The following TRIM9 variants were observed in gnomAD, a reference collection of about 807,000 sequenced individuals.
TRIM9 encodes the protein tripartite motif containing 9, also known as E3 ubiquitin-protein ligase TRIM9.
A neutral mutation model predicts 78.3 loss-of-function variants in TRIM9; 26 were observed. That is an observed-to-expected ratio of 0.33 (90% CI 0.24 to 0.46). TRIM9 has a LOEUF of 0.46. TRIM9 is among the 20% of genes least tolerant of loss of function. The pLI, the probability that TRIM9 is intolerant of heterozygous loss-of-function variation, is 1.00. For missense variants in TRIM9, 787 were observed against 1,036.4 expected (o/e 0.76, Z 3.30); for synonymous variants, 398 against 416.5 (o/e 0.96, Z 0.54).
Position 51,094,579 on chromosome 14 carries a change from G to A in TRIM9, c.361C>T (p.Pro121Ser). 3.1e-6 allele frequency: 5 copies of A among 1,612,138 alleles called. No homozygotes were observed. Among genetic ancestry groups the A allele is most frequent in the Non-Finnish European group, 4.2e-6 (5 of 1,179,466 alleles). ...GGGCAGGTGATACAGGAGTTGCGGG[G>A]CACCGGGGCCAGGGCCGGTGACAAG... is the stretch of plus-strand genomic sequence containing the variant. ...THLSPALAPV[P>S]RNSCITCPQC... The change falls in exon 1 of 13, where the codon CCC becomes TCC. Residue 121 changes from proline (P) to serine (S), a missense_variant. Pro to Ser is a moderately conservative substitution (Grantham distance 74). Around this residue, in one of 3 missense-constraint regions of TRIM9, gnomAD observed 352 missense variants for 472.3 expected, o/e 0.75. Coordinates refer to ENST00000684578, the MANE Select transcript of TRIM9 (RefSeq NM_001387360.1).
chr14:51,090,030 G>A (rs2064158162), intron 1 of TRIM9: 1 of 152,214 alleles, frequency 6.6e-6, no homozygotes, highest in African/African-American at 2.4e-5. Context: ...AAAGTTTCCT[G>A]CAAGTAAGTG....
intron 6 of TRIM9, among the ~76,000 whole-genome samples, chr14:50,999,795 C>CTAGGGTGGAGAGGATGGAAAG (rs1249544010): frequency 2.0e-5 from 3 of 152,092 alleles, no homozygotes; most frequent in Non-Finnish European, 4.4e-5. Flanking sequence ...CCAGGCAAGA[C>CTAGGGTGGAGAGGATGGAAAG]TAGGGTGGAG....
intron 5 of TRIM9, among the ~76,000 whole-genome samples, chr14:51,008,022 A>G (rs550042277): frequency 1.9e-3 from 294 of 152,340 alleles, no homozygotes; most frequent in Admixed American, 3.5e-3. Context: ...GCTAAGAGTC[A>G]TTTACTATAT....
At chr14:51,046,530 C>T (rs1247991866) in intron 1 of TRIM9, among the ~76,000 whole-genome samples, 4 of 152,016 alleles carry the variant, frequency 2.6e-5, no homozygotes, top group South Asian at 2.1e-4. Flanking sequence ...CATCTGAATT[C>T]GAAAAGAAAG....
chr14:51,068,549 A>T (rs72687160), intron 1 of TRIM9, among the ~76,000 whole-genome samples: 30,883 of 152,180 alleles, frequency 0.2, 3,285 homozygotes, highest in Non-Finnish European at 0.24. Context: ...ACCTTGTAGA[A>T]GTTATTTTTA....
chr14:51,000,473 C>T (rs943015429), intron 6 of TRIM9, among the ~76,000 whole-genome samples: 3 of 152,188 alleles, frequency 2.0e-5, no homozygotes, highest in African/African-American at 7.2e-5. Context: ...CATGTCCTGT[C>T]TCATAAGAAG....
At chr14:51,079,040 T>G (rs2063065179) in intron 1 of TRIM9, among the ~76,000 whole-genome samples, 1 of 152,152 alleles carries the variant, frequency 6.6e-6, no homozygotes, top group Non-Finnish European at 1.5e-5. Flanking sequence ...TAAAGTAAAA[T>G]AAAATAAAAT....
intron 1 of TRIM9, among the ~76,000 whole-genome samples, chr14:51,043,523 GAAGCT>G (rs2059722641): frequency 6.6e-6 from 1 of 152,228 alleles, no homozygotes; most frequent in Non-Finnish European, 1.5e-5. Flanking sequence ...TGTGGCCCAG[GAAGCT>G]AATTAGTGTG....
chr14:51,065,063 T>C (rs1195904510), intron 1 of TRIM9, among the ~76,000 whole-genome samples: 1 of 152,134 alleles, frequency 6.6e-6, no homozygotes, highest in African/African-American at 2.4e-5. Flanking sequence ...GAAATTCTTC[T>C]CAATAATATT....
chr14:51,002,264 G>A (rs967761741), intron 5 of TRIM9, among the ~76,000 whole-genome samples: 1 of 151,380 alleles, frequency 6.6e-6, no homozygotes, highest in Non-Finnish European at 1.5e-5. Flanking sequence ...TGGGACTACA[G>A]GCCCCTGCCA....
At chr14:51,048,707 G>A (rs1397975533) in intron 1 of TRIM9, among the ~76,000 whole-genome samples, 4 of 152,076 alleles carry the variant, frequency 2.6e-5, no homozygotes, top group Non-Finnish European at 4.4e-5. Context: ...CTCGGGGGCC[G>A]GGCGCAGTGG....
intron 1 of TRIM9, among the ~76,000 whole-genome samples, chr14:51,051,943 G>T (rs138862773): frequency 6.6e-6 from 1 of 151,070 alleles, no homozygotes; most frequent in Non-Finnish European, 1.5e-5. Flanking sequence ...CTCCAGCCTA[G>T]GCAACAGAGA....
rs964616743 is a variant in TRIM9 at position 50,975,611 on chromosome 14, T to C, written c.*1680A>G. ...TTGTAACTGATAGAAATAATCTAAATAAAGTAAGCACAAAAGTAAATAATT... is the reference window on the plus strand; with the variant it reads ...TTGTAACTGATAGAAATAATCTAAACAAAGTAAGCACAAAAGTAAATAATT... On this transcript the variant is annotated 3_prime_UTR_variant, in exon 13 of 13. Coordinates refer to ENST00000684578, the MANE Select transcript of TRIM9 (RefSeq NM_001387360.1). The C allele has an allele frequency of 6.6e-6, 1 of 152,634 alleles. No homozygotes were observed. The highest frequency in any genetic ancestry group is 1.5e-5 in the Non-Finnish European group (1 of 68,030). The allele number at this position is 152,634 out of a possible 1,614,324, so 9.5% of individuals were successfully genotyped here. A position where few individuals can be genotyped will look rare whatever the true frequency, so the allele number is the denominator to read the frequency against.
chr14:50,982,733 C>T (rs1043587083), intron 10 of TRIM9: 4 of 515,298 alleles, frequency 7.8e-6, no homozygotes, highest in Admixed American at 3.3e-5. Context: ...GAAACTAACA[C>T]GTCAGAAATT....
intron 7 of TRIM9, among the ~76,000 whole-genome samples, chr14:50,989,487 T>C (rs2053194761): frequency 6.6e-6 from 1 of 152,136 alleles, no homozygotes; most frequent in African/African-American, 2.4e-5. Context: ...CAATACATGA[T>C]ACAAAGCTAT....
chr14:51,015,381 G>T (rs17123489), intron 3 of TRIM9, among the ~76,000 whole-genome samples: 55,212 of 151,542 alleles, frequency 0.36, 10,376 homozygotes, highest in South Asian at 0.64. Flanking sequence ...AGAATTTCAT[G>T]CTTAACCCAA....
At chr14:51,071,388 A>G (rs1452032225) in intron 1 of TRIM9, among the ~76,000 whole-genome samples, 79 of 37,608 alleles carry the variant, frequency 2.1e-3, no homozygotes, top group East Asian at 0.011. Flanking sequence ...AAAAAAAAAG[A>G]AAAAAAAAAA....
intron 1 of TRIM9, among the ~76,000 whole-genome samples, chr14:51,033,233 C>T (rs1370690087): frequency 6.6e-6 from 1 of 152,110 alleles, no homozygotes; most frequent in Non-Finnish European, 1.5e-5. Context: ...GCTGGGACTA[C>T]AGGTGTGTGC....
At chr14:51,008,900 T>A (rs1029072856) in intron 5 of TRIM9, among the ~76,000 whole-genome samples, 180 bp downstream of exon 5, 10 of 152,244 alleles carry the variant, frequency 6.6e-5, no homozygotes, top group African/African-American at 2.4e-4. Context: ...ATTGAGTTGA[T>A]CTGAATTTAT....
Sources: gnomAD v4.1 joint callset for allele counts (sites outside exome capture counted in the v4.1 genomes callset) on GRCh38, gnomAD v4.1.1 for gene constraint, gnomAD v4.1.1 regional missense constraint, MANE v1.5 for transcripts, NCBI Gene and HGNC (gene_info 2026-07-23, HGNC 2026-07-21) for gene names.